The following C1orf141 variants were observed in gnomAD, a reference collection of about 807,000 sequenced individuals.
C1orf141 encodes chromosome 1 open reading frame 141, also known as uncharacterized protein C1orf141.
C1orf141 carries 19 observed loss-of-function variants against 23.2 expected under a neutral mutation model. That is an observed-to-expected ratio of 0.82 (90% confidence interval 0.57 to 1.20). C1orf141 has a LOEUF of 1.20. Among genes scored for constraint, C1orf141 ranks in the 50% most tolerant of loss-of-function variants. The probability of loss-of-function intolerance (pLI) is 0.00; values close to 1 mark genes in which losing one functional copy is unlikely to be tolerated. For missense variants in C1orf141, 469 were observed against 455.1 expected (o/e 1.03, Z -0.28); for synonymous variants, 153 against 154.6 (o/e 0.99, Z 0.08).
chr1:67,117,747 T>C (rs1021750659), intron 4 of C1orf141, among the ~76,000 whole-genome samples: 32 of 152,326 alleles, frequency 2.1e-4, no homozygotes, highest in African/African-American at 7.5e-4. Context: ...TTTATCCTTA[T>C]CTTAAAAATA....
intron 1 of C1orf141, among the ~76,000 whole-genome samples, chr1:67,132,246 G>A (rs934030688): frequency 3.3e-5 from 5 of 152,220 alleles, no homozygotes; most frequent in African/African-American, 9.6e-5. Context: ...CTCGCTGGGC[G>A]TGGTGGCTCA....
chr1:67,093,056 C>T lies in C1orf141; in HGVS notation c.1152G>A (p.Thr384=), dbSNP rs6588237. ...ATAAGTTTAACAAATTATCCAGTGG[C>T]GTTACATTATTTAGTTCATATATAT... ...FKYIYELNNV[T]PLDNLLNLSN... The change falls in exon 8 of 8, where the codon ACG becomes ACA. Residue 384 remains threonine, a synonymous_variant. Transcript: ENST00000684719. 0.88 allele frequency: 1,395,309 copies of T among 1,594,102 alleles called. 612,054 individuals are homozygous for T. The highest frequency in any genetic ancestry group is 0.98 in the East Asian group (43,749 of 44,756).
chr1:67,102,765 G>C (rs1645833635), intron 5 of C1orf141: 1 of 152,100 alleles, frequency 6.6e-6, no homozygotes, highest in Non-Finnish European at 1.5e-5. Flanking sequence ...CTCCAGGTCT[G>C]TCAAATAGAT....
chr1:67,109,085 T>C (rs1363206222), intron 5 of C1orf141, among the ~76,000 whole-genome samples: 1 of 152,120 alleles, frequency 6.6e-6, no homozygotes, highest in Non-Finnish European at 1.5e-5. Flanking sequence ...CCCAGCACTT[T>C]GTGAGGCCGA....
At chr1:67,130,512 G>A (rs2102505787) in intron 2 of C1orf141, among the ~76,000 whole-genome samples, 1 of 152,228 alleles carries the variant, frequency 6.6e-6, no homozygotes, top group Non-Finnish European at 1.5e-5. Context: ...GAGGCAAAAT[G>A]TCATCCCATT....
At chr1:67,111,211 G>A (rs989031302) in intron 5 of C1orf141, among the ~76,000 whole-genome samples, 10 of 151,686 alleles carry the variant, frequency 6.6e-5, no homozygotes, top group Non-Finnish European at 1.5e-4. Flanking sequence ...CTCAAAAAAA[G>A]GTCTTGGTTA....
upstream of C1orf141, among the ~76,000 whole-genome samples, chr1:67,138,143 T>C (rs999928989): frequency 3.9e-5 from 6 of 152,238 alleles, no homozygotes; most frequent in African/African-American, 1.4e-4. Flanking sequence ...CTTTCCATAA[T>C]AAATCCATTA....
chr1:67,135,385 TATG>T (rs761277767), upstream of C1orf141, among the ~76,000 whole-genome samples: 1 of 141,028 alleles, frequency 7.1e-6, no homozygotes, highest in Non-Finnish European at 1.6e-5. Context: ...TTTCATGGCT[TATG>T]ATATTAAAAA....
rs547169877 is a variant in C1orf141, at chr1:67,117,661, T to C, written c.234-2197A>G. 2.0e-5 allele frequency among the ~76,000 whole-genome samples: 3 copies of C among 152,318 alleles called. No homozygotes were observed. The South Asian group carries it at 6.2e-4, about 32-fold the overall frequency. ...CTAGTGAGAATGGGCATTGTTCTGT[T>C]TCTAACTTGAATGAGAATGAGTCAA... On this transcript the variant is annotated intron_variant, in intron 4 of 7. Coordinates refer to ENST00000684719, the MANE Select transcript of C1orf141 (RefSeq NM_001276351.2).
At chr1:67,134,158 C>T (rs945357123) in intron 1 of C1orf141, among the ~76,000 whole-genome samples, 1 of 152,182 alleles carries the variant, frequency 6.6e-6, no homozygotes, top group African/African-American at 2.4e-5. Context: ...CGCCCACCAC[C>T]ATGCCCGGCT....
At chr1:67,097,497 G>T (rs1172091413) in intron 5 of C1orf141, among the ~76,000 whole-genome samples, 11 of 152,230 alleles carry the variant, frequency 7.2e-5, no homozygotes, top group Admixed American at 7.2e-4. Context: ...TGTTGCTTGG[G>T]TGTGGTGAAT....
intron 2 of C1orf141, among the ~76,000 whole-genome samples, chr1:67,128,275 C>T (rs115952996): frequency 1.3e-3 from 194 of 152,266 alleles, no homozygotes; most frequent in African/African-American, 4.4e-3. Context: ...CTGAAGGCCA[C>T]AGAGTACCCT....
At chr1:67,104,242 GATTTC>G (rs1289137380) in intron 5 of C1orf141, among the ~76,000 whole-genome samples, 1 of 152,134 alleles carries the variant, frequency 6.6e-6, no homozygotes, top group African/African-American at 2.4e-5. Flanking sequence ...AGACAGGAAA[GATTTC>G]ATAGAGGAAG....
rs569873590 is a variant in C1orf141, at chr1:67,111,672, T to A, written c.346+3680A>T. ...AAAGAAACAAACATAAGTATTTCCATGCTATTAAGTTACTTCTAATTAAAC... is the reference window on the plus strand; with the variant it reads ...AAAGAAACAAACATAAGTATTTCCAAGCTATTAAGTTACTTCTAATTAAAC... On this transcript the variant is annotated intron_variant, in intron 5 of 7. Transcript: ENST00000684719. 48 of 1,122,088 alleles carry A rather than the reference T, an allele frequency of 4.3e-5. No individual in the cohort carries two copies. In the East Asian group the frequency reaches 1.3e-3, roughly 31 times the overall value. 69.5% of individuals were successfully genotyped at this position (1,122,088 alleles called of 1,614,324 possible). A position where few individuals can be genotyped will look rare whatever the true frequency, so the allele number is the denominator to read the frequency against.
At chr1:67,131,950 A>C (rs1401664066) in intron 1 of C1orf141, among the ~76,000 whole-genome samples, 1 of 150,680 alleles carries the variant, frequency 6.6e-6, no homozygotes, top group East Asian at 2.0e-4. Flanking sequence ...ACACGCAGCT[A>C]ATTTTTGTAT....
At chr1:67,140,245 A>G (rs1343120879) in intron 1 of C1orf141, among the ~76,000 whole-genome samples, 1 of 152,240 alleles carries the variant, frequency 6.6e-6, no homozygotes, top group Non-Finnish European at 1.5e-5. Flanking sequence ...AAAGTAAAAA[A>G]TTGTTAGATC....
Position 67,095,326 on chromosome 1 carries a change from C to A in C1orf141, c.512G>T (p.Ser171Ile), listed in dbSNP as rs752417780. The A allele has an allele frequency of 3.7e-6, 6 of 1,600,478 alleles. No individual in the cohort carries two copies. Among genetic ancestry groups the A allele is most frequent in the Non-Finnish European group, 4.3e-6 (5 of 1,168,908 alleles). The change falls in exon 7 of 8, where the codon AGC becomes ATC. Residue 171 changes from serine (S) to isoleucine (I), a missense_variant. By Grantham distance (142) the Ser-to-Ile change is moderately radical. Around this residue, in one of 3 missense-constraint regions of C1orf141, gnomAD observed 370 missense variants for 348.1 expected, o/e 1.06. Coordinates refer to ENST00000684719, the MANE Select transcript of C1orf141 (RefSeq NM_001276351.2). ...ATCCTCAAAGCACAACGGGAGCAAG[C>A]TTTTCTTTCTTACTGACCTATACTT... is the stretch of plus-strand genomic sequence containing the variant. Reference protein sequence around the residue: ...LSKYRSVRKKSLLPLCFEDEL... With the variant: ...LSKYRSVRKKILLPLCFEDEL...
At chr1:67,105,525 G>C (rs1394749746) in intron 5 of C1orf141, among the ~76,000 whole-genome samples, 1 of 151,858 alleles carries the variant, frequency 6.6e-6, no homozygotes, top group Non-Finnish European at 1.5e-5. Context: ...AAATAGTAAA[G>C]ACTGGGGAAT....
chr1:67,115,683 C>T (rs1646180037), intron 4 of C1orf141, among the ~76,000 whole-genome samples: 1 of 152,100 alleles, frequency 6.6e-6, no homozygotes, highest in African/African-American at 2.4e-5. Flanking sequence ...AAACTACTTG[C>T]TGCTGTGATA....
Sources: gnomAD v4.1 joint callset for allele counts (sites outside exome capture counted in the v4.1 genomes callset) on GRCh38, gnomAD v4.1.1 for gene constraint, gnomAD v4.1.1 regional missense constraint, MANE v1.5 for transcripts, NCBI Gene and HGNC (gene_info 2026-07-23, HGNC 2026-07-21) for gene names.